COL8A1: variants seen among roughly 807,000 people sequenced by gnomAD.
COL8A1 encodes collagen alpha-1(VIII) chain.
COL8A1 carries 21 observed loss-of-function variants against 42.7 expected under a neutral mutation model. The observed-to-expected ratio is 0.49, with a 90% CI of 0.35 to 0.71. The LOEUF (loss-of-function observed/expected upper bound fraction) is 0.71. Ranked by LOEUF, COL8A1 falls within the 30% of genes least tolerant of loss-of-function variation. The pLI is 0.01. For missense variants in COL8A1, 788 were observed against 962.4 expected (o/e 0.82, Z 2.40); for synonymous variants, 367 against 369.1 (o/e 0.99, Z 0.06).
chr3:99,657,924 T>C (rs1938075365), intron 1 of COL8A1, among the ~76,000 whole-genome samples: 1 of 152,006 alleles, frequency 6.6e-6, no homozygotes, highest in South Asian at 2.1e-4. Flanking sequence ...GGTCAGGAGT[T>C]TGAGACAGCC....
chr3:99,669,663 C>T (rs190842351), intron 1 of COL8A1, among the ~76,000 whole-genome samples: 1 of 151,948 alleles, frequency 6.6e-6, no homozygotes, highest in Non-Finnish European at 1.5e-5. Flanking sequence ...AATGGAATTC[C>T]ACTTCCATAT....
chr3:99,677,900 G>A (rs1230818335), intron 1 of COL8A1: 3 of 151,224 alleles, frequency 2.0e-5, no homozygotes, highest in African/African-American at 7.3e-5. Flanking sequence ...TAAGGACATG[G>A]GAAAATCTAC....
At chr3:99,694,487 A>G (rs527700077) in intron 1 of COL8A1, among the ~76,000 whole-genome samples, 1 of 152,238 alleles carries the variant, frequency 6.6e-6, no homozygotes, top group South Asian at 2.1e-4. Flanking sequence ...AAAAAAAAAG[A>G]AAAGAAAAAA....
At chr3:99,744,362 G>C (rs1017641505) in intron 1 of COL8A1, among the ~76,000 whole-genome samples, 8 of 152,126 alleles carry the variant, frequency 5.3e-5, no homozygotes, top group Non-Finnish European at 1.2e-4. Context: ...AAAAGTCTAG[G>C]GTAGAGAGAA....
chr3:99,720,473 ACTTCCTATATG>A (rs1940118549), intron 1 of COL8A1, among the ~76,000 whole-genome samples: 1 of 152,110 alleles, frequency 6.6e-6, no homozygotes, highest in Non-Finnish European at 1.5e-5. Flanking sequence ...ACCATGGGTA[ACTTCCTATATG>A]GTTAGAATTC....
intron 1 of COL8A1, among the ~76,000 whole-genome samples, chr3:99,711,652 A>C (rs1403682263): frequency 2.0e-5 from 3 of 152,142 alleles, no homozygotes; most frequent in Non-Finnish European, 4.4e-5. Context: ...TTTCAGGCCT[A>C]TCTGGTCCTC....
chr3:99,695,477 T>C (rs773008949), intron 1 of COL8A1, among the ~76,000 whole-genome samples: 4 of 152,152 alleles, frequency 2.6e-5, no homozygotes, highest in Non-Finnish European at 4.4e-5. Flanking sequence ...ATGGGTGAGA[T>C]TTGCAGTTAG....
At chr3:99,641,506 G>A (rs1937508158) in intron 1 of COL8A1, among the ~76,000 whole-genome samples, 1 of 152,080 alleles carries the variant, frequency 6.6e-6, no homozygotes, top group South Asian at 2.1e-4. Flanking sequence ...GCTATACTAT[G>A]AGTTAAAATA....
intron 1 of COL8A1, among the ~76,000 whole-genome samples, chr3:99,694,043 C>T (rs1008103154): frequency 2.0e-5 from 3 of 152,224 alleles, no homozygotes; most frequent in Non-Finnish European, 4.4e-5. Context: ...GAGCAACAGG[C>T]TATACCTATA....
chr3:99,669,146 T>TATATATATATATAG, intron 1 of COL8A1, among the ~76,000 whole-genome samples: 3 of 115,390 alleles, frequency 2.6e-5, no homozygotes, highest in Admixed American at 9.5e-5. Flanking sequence ...TATATATATA[T>TATATATATATATAG]AGAGGGAGAG....
At chr3:99,787,947 A>G (rs1381078866) in intron 2 of COL8A1, among the ~76,000 whole-genome samples, 4 of 152,100 alleles carry the variant, frequency 2.6e-5, no homozygotes, top group African/African-American at 9.7e-5. Context: ...AGAACTCACA[A>G]TATTATTGTG....
intron 2 of COL8A1, among the ~76,000 whole-genome samples, chr3:99,772,653 C>A (rs1038295): frequency 0.13 from 19,369 of 151,992 alleles, 1,761 homozygotes; most frequent in African/African-American, 0.26. Context: ...AAGTGATACA[C>A]GGCAGAATGA....
intron 2 of COL8A1, among the ~76,000 whole-genome samples, chr3:99,782,806 G>A (rs533124593): frequency 1.3e-5 from 2 of 152,310 alleles, no homozygotes; most frequent in South Asian, 2.1e-4. Flanking sequence ...TTCTGCAAAT[G>A]AGGGAACTAA....
intron 1 of COL8A1, among the ~76,000 whole-genome samples, chr3:99,671,923 A>G (rs1938558133): frequency 6.6e-6 from 1 of 152,078 alleles, no homozygotes; most frequent in Admixed American, 6.6e-5. Context: ...AAATTTTGAG[A>G]AAAGCAAGTA....
chr3:99,781,956 A>G (rs561799878), intron 2 of COL8A1, among the ~76,000 whole-genome samples: 4 of 152,284 alleles, frequency 2.6e-5, no homozygotes, highest in Non-Finnish European at 4.4e-5. Context: ...CCCCTTTCCA[A>G]TGTGCATACT....
At chr3:99,771,498 A>C (rs1324024374) in intron 2 of COL8A1, among the ~76,000 whole-genome samples, 1 of 152,196 alleles carries the variant, frequency 6.6e-6, no homozygotes, top group Non-Finnish European at 1.5e-5. Context: ...AGGTGTGAGG[A>C]AAAAGGTGTC....
At chr3:99,683,805 A>G (rs1005413610) in intron 1 of COL8A1, among the ~76,000 whole-genome samples, 8 of 152,118 alleles carry the variant, frequency 5.3e-5, no homozygotes, top group African/African-American at 1.9e-4. Context: ...ATTTAACCCA[A>G]TATTGTCATA....
At chr3:99,688,907 T>C (rs1442193821) in intron 1 of COL8A1, among the ~76,000 whole-genome samples, 1 of 152,052 alleles carries the variant, frequency 6.6e-6, no homozygotes, top group Non-Finnish European at 1.5e-5. Context: ...TTTAGAAACA[T>C]CCCTGGACTT....
In COL8A1 at chr3:99,794,762, A is replaced by C. The variant is rs747499146; in HGVS notation, c.861A>C (p.Gly287=). 6.3e-7 allele frequency: 1 copy of C among 1,596,990 alleles called. No homozygotes were observed. The highest frequency in any genetic ancestry group is 8.5e-7 in the Non-Finnish European group (1 of 1,173,952). Residue 287 remains glycine, a synonymous_variant, in exon 4 of 4, where the codon GGA becomes GGC. Transcript: ENST00000652472. The surrounding 1 kb of genome is among the most constrained non-coding windows in gnomAD (Gnocchi z 4.3). ...TGFPGPQGPL[G]KPGAPGEPGP... ...TCCCTGGGCCCCAGGGCCCCCTGGG[A>C]AAGCCAGGGGCTCCAGGAGAACCTG... is the stretch of plus-strand genomic sequence containing the variant.
Sources: gnomAD v4.1 joint callset for allele counts (sites outside exome capture counted in the v4.1 genomes callset) on GRCh38, gnomAD v4.1.1 for gene constraint, Gnocchi (gnomAD v3.1) non-coding constraint, MANE v1.5 for transcripts, NCBI Gene and HGNC (gene_info 2026-07-23, HGNC 2026-07-21) for gene names.